NXPH1: variants seen among roughly 807,000 people sequenced by gnomAD.
NXPH1 encodes neurexophilin 1.
Under a neutral mutation model 23.7 loss-of-function variants are expected in NXPH1, and 5 were observed. The observed-to-expected ratio is 0.21, with a 90% confidence interval of 0.11 to 0.44. NXPH1 has a LOEUF of 0.44. Ranked by LOEUF, NXPH1 falls within the 20% of genes least tolerant of loss-of-function variation. The pLI is 0.99. For missense variants in NXPH1, 324 were observed against 321.6 expected (o/e 1.01, Z -0.06); for synonymous variants, 144 against 122.2 (o/e 1.18, Z -1.18).
rs113650902 is a variant in NXPH1, at chr7:8,675,039, G to A, written c.55-75969G>A. ...CTGACAGGTTTTTTGGACTGGGTAT[G>A]GATGAGTAAACCTTAAAATAGAACA... is the stretch of plus-strand genomic sequence containing the variant. On this transcript the variant is annotated intron_variant, in intron 2 of 2. Transcript: ENST00000405863. Among the ~76,000 whole-genome samples, 1,059 of 152,220 alleles carry A rather than the reference G, an allele frequency of 7.0e-3. 16 individuals carry two copies. The highest frequency in any genetic ancestry group is 0.024 in the African/African-American group (1,000 of 41,540).
chr7:8,560,235 T>C (rs1584232211), intron 2 of NXPH1, among the ~76,000 whole-genome samples: 1 of 151,752 alleles, frequency 6.6e-6, no homozygotes, highest in Admixed American at 6.6e-5. Context: ...GCTGTGAAGT[T>C]TGACTTCTCA....
intron 2 of NXPH1, among the ~76,000 whole-genome samples, chr7:8,610,712 A>T (rs531128633): frequency 1.2e-4 from 18 of 152,192 alleles, no homozygotes; most frequent in African/African-American, 4.1e-4. Context: ...TCTAATTTTT[A>T]TATGATTAAC....
At chr7:8,608,794 A>G (rs1171483023) in intron 2 of NXPH1, among the ~76,000 whole-genome samples, 5 of 152,202 alleles carry the variant, frequency 3.3e-5, no homozygotes, top group Non-Finnish European at 5.9e-5. Flanking sequence ...ACAAATGATT[A>G]TAAGGAATTT....
intron 2 of NXPH1, among the ~76,000 whole-genome samples, chr7:8,695,968 G>T (rs1392128148): frequency 6.6e-6 from 1 of 152,152 alleles, no homozygotes; most frequent in Non-Finnish European, 1.5e-5. Context: ...ATAACACCAT[G>T]TGTCCAGGGA....
chr7:8,674,617 A>G (rs1820919778), intron 2 of NXPH1, among the ~76,000 whole-genome samples: 1 of 152,174 alleles, frequency 6.6e-6, no homozygotes, highest in Admixed American at 6.5e-5. Context: ...GGCATTTACA[A>G]AAGTAGAAGG....
At chr7:8,591,120 C>A (rs138480960) in intron 2 of NXPH1, among the ~76,000 whole-genome samples, 203 of 152,140 alleles carry the variant, frequency 1.3e-3, no homozygotes, top group African/African-American at 4.6e-3. Context: ...CCTACAGTTA[C>A]CAAAGAAGGA....
At chr7:8,651,750 A>G (rs976159888) in intron 2 of NXPH1, among the ~76,000 whole-genome samples, 1 of 152,222 alleles carries the variant, frequency 6.6e-6, no homozygotes, top group Non-Finnish European at 1.5e-5. Context: ...GTTATGATAC[A>G]TGAAGAAAAA....
intron 2 of NXPH1, among the ~76,000 whole-genome samples, chr7:8,441,741 C>T (rs1816304017): frequency 6.6e-6 from 1 of 152,184 alleles, no homozygotes; most frequent in South Asian, 2.1e-4. Flanking sequence ...CTTCAAACCC[C>T]TCCGCGCGCC....
At chr7:8,730,946 G>A (rs1301299906) in intron 2 of NXPH1, among the ~76,000 whole-genome samples, 1 of 149,464 alleles carries the variant, frequency 6.7e-6, no homozygotes, top group Non-Finnish European at 1.5e-5. Context: ...TTTCCAACTT[G>A]GTTCCATTCT....
chr7:8,633,507 A>C (rs6945631), intron 2 of NXPH1, among the ~76,000 whole-genome samples: 50,155 of 152,086 alleles, frequency 0.33, 8,762 homozygotes, highest in African/African-American at 0.44. Flanking sequence ...ACATTGTACT[A>C]CAGTGTTGCG....
intron 2 of NXPH1, among the ~76,000 whole-genome samples, chr7:8,504,758 C>T (rs1350595204): frequency 6.6e-6 from 1 of 151,938 alleles, no homozygotes; most frequent in East Asian, 1.9e-4. Flanking sequence ...AGGATTAGTG[C>T]CTTTTCAAAA....
intron 2 of NXPH1, among the ~76,000 whole-genome samples, chr7:8,720,131 G>GCTTCTAGGATTGAAACCTGA (rs57645929): frequency 9.9e-5 from 15 of 152,048 alleles, no homozygotes; most frequent in African/African-American, 3.4e-4. Context: ...CAAGGATTGG[G>GCTTCTAGGATTGAAACCTGA]GAATGCCTCT....
chr7:8,558,615 A>G (rs879904770), intron 2 of NXPH1, among the ~76,000 whole-genome samples: 1 of 151,666 alleles, frequency 6.6e-6, no homozygotes, highest in African/African-American at 2.4e-5. Context: ...GTGGCTCCAT[A>G]CTGAGCTAGA....
chr7:8,619,796 A>T (rs1045491054), intron 2 of NXPH1, among the ~76,000 whole-genome samples: 2 of 152,196 alleles, frequency 1.3e-5, no homozygotes, highest in African/African-American at 4.8e-5. Flanking sequence ...ATTATTTCAT[A>T]TGATGTTTTC....
At chr7:8,505,025 C>G (rs893592720) in intron 2 of NXPH1, among the ~76,000 whole-genome samples, 1 of 152,062 alleles carries the variant, frequency 6.6e-6, no homozygotes, top group East Asian at 1.9e-4. Flanking sequence ...CACAGCCCTG[C>G]AAGAGTAAGG....
At chr7:8,702,151 G>A (rs1280242376) in intron 2 of NXPH1, among the ~76,000 whole-genome samples, 2 of 151,886 alleles carry the variant, frequency 1.3e-5, no homozygotes, top group African/African-American at 2.4e-5. Context: ...TTCAAATTCA[G>A]CTTTTTCTGG....
chr7:8,462,707 C>T (rs1211562154), intron 2 of NXPH1, among the ~76,000 whole-genome samples: 1 of 152,162 alleles, frequency 6.6e-6, no homozygotes, highest in African/African-American at 2.4e-5. Context: ...CTCAAAACAA[C>T]ATGTTGTACA....
intron 2 of NXPH1, among the ~76,000 whole-genome samples, chr7:8,627,142 G>A (rs1187383362): frequency 6.6e-6 from 1 of 152,014 alleles, no homozygotes; most frequent in Non-Finnish European, 1.5e-5. Flanking sequence ...AAGTGAATTG[G>A]CCTACTTGGA....
intron 2 of NXPH1, among the ~76,000 whole-genome samples, chr7:8,507,922 C>T (rs534401520): frequency 2.0e-5 from 3 of 152,104 alleles, no homozygotes; most frequent in African/African-American, 4.8e-5. Context: ...TTGAAGTAGA[C>T]GGTCAGTCAA....
Sources: gnomAD v4.1 joint callset for allele counts (sites outside exome capture counted in the v4.1 genomes callset) on GRCh38, gnomAD v4.1.1 for gene constraint, MANE v1.5 for transcripts, NCBI Gene and HGNC (gene_info 2026-07-23, HGNC 2026-07-21) for gene names.